Variants in TPP1 observed in about 807,000 individuals in gnomAD.
TPP1 encodes tripeptidyl-peptidase 1.
TPP1 carries 43 observed loss-of-function variants against 67.6 expected under a neutral mutation model. That is an observed-to-expected ratio of 0.64 (90% CI 0.50 to 0.82). The LOEUF is 0.82. TPP1 is among the 40% of genes least tolerant of loss of function. The probability of loss-of-function intolerance (pLI) is 0.00; values close to 1 mark genes in which losing one functional copy is unlikely to be tolerated. For synonymous variants in TPP1, 272 were observed against 281.5 expected (o/e 0.97, Z 0.34); for missense variants, 671 against 710.9 (o/e 0.94, Z 0.64).
rs767154380 is a variant in TPP1, at chr11:6,614,601, G to A, written c.1637C>T (p.Thr546Ile). The part of the protein sequence containing the change: ...FCSGPGWDPV[T>I]GWGTPNFPAL... ...TGGGAAGTTGGGTGTTCCCCAGCCTGTTACAGGATCCCAGCCAGGACCAGA... is the reference window on the plus strand; with the variant it reads ...TGGGAAGTTGGGTGTTCCCCAGCCTATTACAGGATCCCAGCCAGGACCAGA... Residue 546 changes from threonine to isoleucine, a missense_variant, in exon 13 of 13, where the codon ACA becomes ATA. Physicochemically the swap from Thr to Ile is moderately conservative, Grantham distance 89. Transcript: ENST00000299427. 1.9e-6 allele frequency: 3 copies of A among 1,614,032 alleles called. No homozygotes were observed. The highest frequency in any genetic ancestry group is 2.2e-5 in the East Asian group (1 of 44,880).
At position 6,619,063 on chromosome 11, in the gene TPP1, G is replaced by C. The variant is rs1216026945; in HGVS notation, c.89+133C>G. 4 of 1,471,102 alleles carry C rather than the reference G, an allele frequency of 2.7e-6. No individual in the cohort carries two copies. The East Asian group carries it at 9.3e-5, about 34-fold the overall frequency. The allele number at this position is 1,471,102 out of a possible 1,614,324, so 91.1% of individuals were successfully genotyped here. A position where few individuals can be genotyped will look rare whatever the true frequency, so the allele number is the denominator to read the frequency against. ...CATGAGGTGAATGATAGGGGACTGAGGCTAGGAACATAGAGATGAAGCTAT... is the reference window on the plus strand; with the variant it reads ...CATGAGGTGAATGATAGGGGACTGACGCTAGGAACATAGAGATGAAGCTAT... On this transcript the variant is annotated intron_variant, in intron 2 of 12. Coordinates refer to ENST00000299427, the MANE Select transcript of TPP1 (RefSeq NM_000391.4).
chr11:6,617,454 A>G, intron 4 of TPP1, 26 bp from the exon 5 acceptor site: 1 of 1,614,104 alleles, frequency 6.2e-7, no homozygotes, highest in Non-Finnish European at 8.5e-7. Flanking sequence ...CAGAGGTCAG[A>G]AAGCTCAAAA....
chr11:6,617,697 G>A lies in TPP1; in HGVS notation c.309C>T (p.Leu103=), dbSNP rs774408040. Reference sequence around the variant, plus strand: ...GGCACTTCTGGGCTCCGGCTGCCAAGAGCCATTTTTGCACCGTGTGGAGGG... The same window carrying A: ...GGCACTTCTGGGCTCCGGCTGCCAAAAGCCATTTTTGCACCGTGTGGAGGG... ...PLTLHTVQKW[L]LAAGAQKCHS... The change falls in exon 4 of 13, where the codon CTC becomes CTT. Residue 103 remains leucine, a synonymous_variant. Coordinates refer to ENST00000299427, the MANE Select transcript of TPP1 (RefSeq NM_000391.4). The A allele has an allele frequency of 1.2e-6, 2 of 1,614,096 alleles. No individual in the cohort carries two copies. The highest frequency in any genetic ancestry group is 1.3e-5 in the African/African-American group (1 of 74,922).
intron 9 of TPP1, chr11:6,615,788 G>A (rs2134592553): frequency 1.5e-5 from 12 of 780,994 alleles, no homozygotes; most frequent in South Asian, 3.2e-5. Context: ...AAAATGCCTG[G>A]GAACTGACGA....
intron 8 of TPP1, 50 bp from the exon 9 acceptor site, chr11:6,616,124 T>C: frequency 6.2e-7 from 1 of 1,611,554 alleles, no homozygotes; most frequent in Non-Finnish European, 8.5e-7. Context: ...GGGCTTAGTA[T>C]GTGGGTTCGG....
At position 6,617,504 on chromosome 11, in the gene TPP1, C is replaced by A. The variant is rs1589948890; in HGVS notation, c.381-76G>T. ...CTACCTCTGAGCATCCCTGGGCAGT[C>A]AGTCACTGTCTCCCCATGCATTAGC... On this transcript the variant is annotated intron_variant, in intron 4 of 12. Transcript: ENST00000299427. 3 of 1,613,228 alleles carry A rather than the reference C, an allele frequency of 1.9e-6. No individual in the cohort carries two copies. The East Asian group carries it at 6.7e-5, about 36-fold the overall frequency.
chr11:6,616,052 CCAA>C lies in TPP1; in HGVS notation c.1095_1097del (p.Cys365del). ...GGAACTGGTGTCTTCCAGAGACAGA[CCAA>C]CACCCGGCCCCACTGTCACCTGAGA... On this transcript the variant is annotated inframe_deletion, in exon 9 of 13. Transcript: ENST00000299427. 1 of 1,614,156 alleles carries C rather than the reference CCAA, an allele frequency of 6.2e-7. No homozygotes were observed. The highest frequency in any genetic ancestry group is 8.5e-7 in the Non-Finnish European group (1 of 1,180,020).
Position 6,617,540 on chromosome 11 carries a change from A to C in TPP1, c.380+86T>G, listed in dbSNP as rs1855605400. 3 of 1,612,798 alleles carry C rather than the reference A, an allele frequency of 1.9e-6. No homozygotes were observed. The Admixed American group carries it at 5.0e-5, about 27-fold the overall frequency. On this transcript the variant is annotated intron_variant, in intron 4 of 12. Transcript: ENST00000299427. ...TCCCCATGCATTAGCTCCCACCCAC[A>C]AGCCCCAGCAAGCTCTCAACTCCCT...
chr11:6,615,928 C>G, intron 9 of TPP1, 77 bp downstream of exon 9: 5 of 1,532,648 alleles, frequency 3.3e-6, no homozygotes, highest in Non-Finnish European at 3.6e-6. Context: ...ATGGTGGGGT[C>G]AAGACAAAGG....
chr11:6,618,648 C>T, intron 3 of TPP1, 128 bp downstream of exon 3: 1 of 1,346,500 alleles, frequency 7.4e-7, no homozygotes, highest in South Asian at 1.2e-5. Flanking sequence ...ACCACATCCC[C>T]TTTTAGGTTT....
At chr11:6,615,616 A>T (rs533803431) in intron 9 of TPP1, 54 bp from the exon 10 acceptor site, 100 of 1,611,328 alleles carry the variant, frequency 6.2e-5, no homozygotes, top group Non-Finnish European at 8.1e-5. Flanking sequence ...GACCTCCAAG[A>T]TATGTGGGGA....
Position 6,614,404 on chromosome 11 carries a change from A to G in TPP1, c.*142T>C. The G allele has an allele frequency of 1.7e-6, 2 of 1,177,224 alleles. No individual in the cohort carries two copies. The highest frequency in any genetic ancestry group is 2.4e-6 in the Non-Finnish European group (2 of 818,946). The allele number at this position is 1,177,224 out of a possible 1,614,324, so 72.9% of individuals were successfully genotyped here. A position where few individuals can be genotyped will look rare whatever the true frequency, so the allele number is the denominator to read the frequency against. On this transcript the variant is annotated 3_prime_UTR_variant, in exon 13 of 13. Transcript: ENST00000299427. Reference sequence around the variant, plus strand: ...TAGGGTTGGGAGTCAAGTCAAGCTCACAGCATTTCAGGGTTAGGGAGATAA... The same window carrying G: ...TAGGGTTGGGAGTCAAGTCAAGCTCGCAGCATTTCAGGGTTAGGGAGATAA...
In TPP1 at chr11:6,617,664, C is replaced by T; in HGVS notation, c.342G>A (p.Val114=). The change falls in exon 4 of 13, where the codon GTG becomes GTA. Residue 114 remains valine (V), a synonymous_variant. Transcript: ENST00000299427. ...AGCAAGTCAGAAAGTCCTGTGTGAT[C>T]ACAGAATGGCACTTCTGGGCTCCGG... ...LAAGAQKCHS[V]ITQDFLTCWL... The T allele has an allele frequency of 6.2e-7, 1 of 1,614,200 alleles. No individual in the cohort carries two copies. The highest frequency in any genetic ancestry group is 8.5e-7 in the Non-Finnish European group (1 of 1,180,032).
chr11:6,615,360 T>C, intron 10 of TPP1, 31 bp from the exon 11 acceptor site: 9 of 1,614,146 alleles, frequency 5.6e-6, no homozygotes, highest in Non-Finnish European at 7.6e-6. Context: ...AGTATTGGCA[T>C]GTGGCCTGCC....
At chr11:6,619,149 C>T in intron 2 of TPP1, 47 bp downstream of exon 2, 2 of 1,607,058 alleles carry the variant, frequency 1.2e-6, no homozygotes, top group Non-Finnish European at 1.7e-6. Context: ...CAGTGGGAGG[C>T]AGAACAGGGT....
chr11:6,615,045 T>C (rs1855557004), intron 11 of TPP1, 54 bp from the exon 12 acceptor site: 2 of 1,613,470 alleles, frequency 1.2e-6, no homozygotes, highest in South Asian at 2.2e-5. Context: ...ATTGGACTTT[T>C]TGGGAGTGAT....
At position 6,617,406 on chromosome 11, in the gene TPP1, C is replaced by G. The variant is rs1221248268; in HGVS notation, c.403G>C (p.Gly135Arg). 1 of 1,614,062 alleles carries G rather than the reference C, an allele frequency of 6.2e-7. No homozygotes were observed. Among genetic ancestry groups the G allele is most frequent in the Non-Finnish European group, 8.5e-7 (1 of 1,180,016 alleles). ...SIRQAELLLP[G>R]AEFHHYVGGP... is the part of the protein sequence containing the mutation. ...CCCACATAGTGATGAAACTCAGCCC[C>G]AGGGAGCAGCAGCTCTGCTTGTCTG... Residue 135 changes from glycine (G) to arginine (R), a missense_variant, in exon 5 of 13, where the codon GGG (glycine) becomes CGG (arginine). Gly to Arg is a moderately radical substitution (Grantham distance 125, BLOSUM62 -2). Coordinates refer to ENST00000299427, the MANE Select transcript of TPP1 (RefSeq NM_000391.4).
rs985151429 is a variant in TPP1, at chr11:6,614,422, G to A, written c.*124C>T. 3.7e-6 allele frequency: 5 copies of A among 1,349,402 alleles called. No homozygotes were observed. In the African/African-American group the frequency reaches 4.3e-5, roughly 12 times the overall value. 83.6% of individuals were successfully genotyped at this position (1,349,402 alleles called of 1,614,324 possible). A position where few individuals can be genotyped will look rare whatever the true frequency, so the allele number is the denominator to read the frequency against. ...CAAGCTCACAGCATTTCAGGGTTAG[G>A]GAGATAAGCTGTCTGCAGCAGTCAA... On this transcript the variant is annotated 3_prime_UTR_variant, in exon 13 of 13. Transcript: ENST00000299427.
Position 6,616,737 on chromosome 11 carries a change from C to T in TPP1, c.810G>A (p.Gly270=). 1.2e-6 allele frequency: 2 copies of T among 1,614,080 alleles called. No individual in the cohort carries two copies. Among genetic ancestry groups the T allele is most frequent in the Non-Finnish European group, 1.7e-6 (2 of 1,180,008 alleles). The change falls in exon 7 of 13, where the codon GGG becomes GGA. Residue 270 remains glycine (G), a synonymous_variant. Transcript: ENST00000299427. ...VVGQQGRGRA[G]IEASLDVQYL... ...ACTGCACATCTAGACTGGCCTCAAT[C>T]CCGGCCCGGCCCCGGCCCTGTTGTC...
Sources: allele counts gnomAD v4.1 joint callset, GRCh38; gene constraint gnomAD v4.1.1; transcripts MANE v1.5; gene names NCBI Gene and HGNC (gene_info 2026-07-23, HGNC 2026-07-21).